The following ZFP90 variants were observed in gnomAD, a reference collection of about 807,000 sequenced individuals.
ZFP90 encodes the protein ZFP90 zinc finger protein.
In ZFP90, 38 loss-of-function variants were observed where a neutral mutation model predicts 60.8. The observed-to-expected ratio is 0.62, with a 90% CI of 0.48 to 0.82. ZFP90 has a LOEUF of 0.82. ZFP90 is among the 40% of genes least tolerant of loss of function. The pLI, the probability that ZFP90 is intolerant of heterozygous loss-of-function variation, is 0.00. For synonymous variants in ZFP90, 287 were observed against 264.8 expected, an observed-to-expected ratio of 1.08 and a Z score of -0.82; for missense variants, 711 against 759.1, an observed-to-expected ratio of 0.94 and a Z score of 0.74.
intron 2 of ZFP90, among the ~76,000 whole-genome samples, chr16:68,540,103 C>T (rs2091014303): frequency 6.6e-6 from 1 of 152,104 alleles, no homozygotes; most frequent in Admixed American, 6.6e-5. Context: ...TCCTGAATGC[C>T]ACGCCAGTTT....
chr16:68,563,848 C>G lies in ZFP90; in HGVS notation c.1061C>G (p.Thr354Ser). The change falls in exon 5 of 5, where the codon ACT becomes AGT. Residue 354 changes from threonine to serine, a missense_variant. Around this residue, in one of 5 missense-constraint regions of ZFP90, gnomAD observed 146 missense variants for 201.4 expected, o/e 0.73. Transcript: ENST00000563169. ...TCCTTTAGGCATGGCACATCCCTCA[C>G]TCAACACGAGGTCACACACAGTGGA... ...GRSFRHGTSL[T>S]QHEVTHSGEK... The G allele has an allele frequency of 6.2e-7, 1 of 1,613,916 alleles. No individual in the cohort carries two copies. The highest frequency in any genetic ancestry group is 1.3e-5 in the African/African-American group (1 of 74,942).
downstream of ZFP90, among the ~76,000 whole-genome samples, chr16:68,570,509 AGGG>A (rs1202654901): frequency 6.6e-6 from 1 of 152,242 alleles, no homozygotes; most frequent in Non-Finnish European, 1.5e-5. Context: ...TCTCTGGAAA[AGGG>A]GTGGTAATTT....
upstream of ZFP90, among the ~76,000 whole-genome samples, chr16:68,535,940 G>T (rs770010450): frequency 3.9e-5 from 6 of 152,156 alleles, no homozygotes; most frequent in Non-Finnish European, 8.8e-5. Context: ...ACCTGACTTG[G>T]AACACCCGGC....
At position 68,545,433 on chromosome 16, in the gene ZFP90, A is replaced by G. The variant is rs28692992; in HGVS notation, c.33+5608A>G. On this transcript the variant is annotated intron_variant, in intron 2 of 4. Coordinates refer to ENST00000563169, the MANE Select transcript of ZFP90 (RefSeq NM_001305203.2). ...TGAGCCTATTTTATTTTCTGATAAA[A>G]TGATTACATGAAACAATGTGATTTG... 8.7e-3 allele frequency among the ~76,000 whole-genome samples: 1,330 copies of G among 152,344 alleles called. 21 individuals are homozygous for G. Among genetic ancestry groups the G allele is most frequent in the African/African-American group, 0.03 (1,259 of 41,576 alleles).
At chr16:68,533,529 C>T (rs1463617192) in intron 1 of ZFP90, among the ~76,000 whole-genome samples, 2 of 152,134 alleles carry the variant, frequency 1.3e-5, no homozygotes, top group Non-Finnish European at 2.9e-5. Context: ...GAATCATTTT[C>T]CTTCCATTTG....
intron 2 of ZFP90, chr16:68,557,214 T>C: frequency 2.2e-6 from 1 of 455,592 alleles, no homozygotes. Context: ...TCTCAAACTC[T>C]TGGGCTCCTG....
intron 2 of ZFP90, among the ~76,000 whole-genome samples, chr16:68,547,473 T>C (rs1218336374): frequency 6.6e-6 from 1 of 152,158 alleles, no homozygotes; most frequent in Non-Finnish European, 1.5e-5. Context: ...TTCTGGGTAT[T>C]ACTTGCTTAA....
chr16:68,536,738 C>T (rs561156100), upstream of ZFP90, among the ~76,000 whole-genome samples: 24 of 152,296 alleles, frequency 1.6e-4, no homozygotes, highest in Admixed American at 1.4e-3. Context: ...AGGTTCTCAC[C>T]CCAAATGTTT....
Position 68,539,760 on chromosome 16 carries a change from C to A in ZFP90, c.-33C>A. 2.6e-6 allele frequency: 4 copies of A among 1,565,432 alleles called. No individual in the cohort carries two copies. The highest frequency in any genetic ancestry group is 3.5e-6 in the Non-Finnish European group (4 of 1,155,836). Reference sequence around the variant, plus strand: ...TGGGCCCTGTCCTTTCTCCCCAGCTCCTGCCCCGGAGCCGGGCCCTGGCGA... The same window carrying A: ...TGGGCCCTGTCCTTTCTCCCCAGCTACTGCCCCGGAGCCGGGCCCTGGCGA... On this transcript the variant is annotated splice_region_variant and 5_prime_UTR_variant, in exon 2 of 5. Transcript: ENST00000563169.
Position 68,566,117 on chromosome 16 carries a change from A to T in ZFP90, c.*1419A>T. The T allele has an allele frequency of 2.2e-6, 2 of 907,136 alleles. No individual in the cohort carries two copies. The highest frequency in any genetic ancestry group is 5.5e-5 in the African/African-American group (2 of 36,482). 56.2% of individuals were successfully genotyped at this position (907,136 alleles called of 1,614,324 possible). ...TACTGCATTCCAGCCTGAGCAACAG[A>T]GCAAGACACACACACATCAATTTAT... On this transcript the variant is annotated 3_prime_UTR_variant, in exon 5 of 5. Coordinates refer to ENST00000563169, the MANE Select transcript of ZFP90 (RefSeq NM_001305203.2).
In ZFP90 at chr16:68,564,930, A is replaced by C; in HGVS notation, c.*232A>C. The C allele has an allele frequency of 1.6e-6, 2 of 1,278,450 alleles. No individual in the cohort carries two copies. The highest frequency in any genetic ancestry group is 6.2e-5 in the East Asian group (2 of 32,052). The allele number at this position is 1,278,450 out of a possible 1,614,324, so 79.2% of individuals were successfully genotyped here. ...ACATGTATGTAGCTGGTTGGGGATGATATGCCTGTATGTTGGACTTTGCTT... is the reference window on the plus strand; with the variant it reads ...ACATGTATGTAGCTGGTTGGGGATGCTATGCCTGTATGTTGGACTTTGCTT... On this transcript the variant is annotated 3_prime_UTR_variant, in exon 5 of 5. Transcript: ENST00000563169.
Position 68,539,507 on chromosome 16 carries a change from T to C in ZFP90, c.-36+28T>C, listed in dbSNP as rs977533433. The C allele has an allele frequency of 6.3e-6, 3 of 477,318 alleles. No individual in the cohort carries two copies. In the Admixed American group the frequency reaches 1.2e-4, roughly 19 times the overall value. 29.6% of individuals were successfully genotyped at this position (477,318 alleles called of 1,614,324 possible). On this transcript the variant is annotated intron_variant, in intron 1 of 4. Transcript: ENST00000563169. ...GCGCGGGTCTGGGCGGGACCCCTCCTGGGTTTGGCGGGTGTCAGCCGGGCC... is the reference window on the plus strand; with the variant it reads ...GCGCGGGTCTGGGCGGGACCCCTCCCGGGTTTGGCGGGTGTCAGCCGGGCC...
rs1567411738 is a variant in ZFP90, at chr16:68,564,208, C to CAGT, written c.1423_1424insTAG (p.Ala474_Glu475insVal). 6.2e-7 allele frequency: 1 copy of CAGT among 1,613,952 alleles called. No homozygotes were observed. The highest frequency in any genetic ancestry group is 8.5e-7 in the Non-Finnish European group (1 of 1,179,962). On this transcript the variant is annotated inframe_insertion, in exon 5 of 5. Coordinates refer to ENST00000563169, the MANE Select transcript of ZFP90 (RefSeq NM_001305203.2). The stretch of plus-strand genomic sequence containing the variant: ...ACTGACCATCAGAGGATCCATACTG[C>CAGT]AGAGAACCCCTATGATTGTGAGCAG...
chr16:68,576,040 TAAAAAAA>T (rs34731750), exon 3 of ZFP90: 1 of 269,854 alleles, frequency 3.7e-6, no homozygotes, highest in African/African-American at 2.4e-5. Context: ...AACATTTATT[TAAAAAAA>T]AAAAAAAAAA....
In ZFP90 at chr16:68,539,767, C is replaced by T. The variant is rs1223016987; in HGVS notation, c.-26C>T. 3.8e-6 allele frequency: 6 copies of T among 1,575,150 alleles called. No individual in the cohort carries two copies. Among genetic ancestry groups the T allele is most frequent in the East Asian group, 2.3e-5 (1 of 43,558 alleles). Reference sequence around the variant, plus strand: ...TGTCCTTTCTCCCCAGCTCCTGCCCCGGAGCCGGGCCCTGGCGAGGCAGGA... The same window carrying T: ...TGTCCTTTCTCCCCAGCTCCTGCCCTGGAGCCGGGCCCTGGCGAGGCAGGA... On this transcript the variant is annotated 5_prime_UTR_variant, in exon 2 of 5. Transcript: ENST00000563169.
At chr16:68,570,094 C>T (rs1018128988), downstream of ZFP90, among the ~76,000 whole-genome samples, 34 of 151,578 alleles carry the variant, frequency 2.2e-4, no homozygotes, top group African/African-American at 8.3e-4. Flanking sequence ...TCCCTACCTA[C>T]CACTCCATTT....
Position 68,563,587 on chromosome 16 carries a change from C to G in ZFP90, c.800C>G (p.Thr267Arg), listed in dbSNP as rs2091469896. The change falls in exon 5 of 5, where the codon ACA (threonine) becomes AGA (arginine). Residue 267 changes from threonine (T) to arginine (R), a missense_variant. By Grantham distance (71) the Thr-to-Arg change is moderately conservative (BLOSUM62 -1). Around this residue, in one of 5 missense-constraint regions of ZFP90, gnomAD observed 146 missense variants for 201.4 expected, o/e 0.73. Coordinates refer to ENST00000563169, the MANE Select transcript of ZFP90 (RefSeq NM_001305203.2). Reference protein sequence around the residue: ...TDCGKTFLWKTQLTEHQRIHT... With the variant: ...TDCGKTFLWKRQLTEHQRIHT... ...TGTGGGAAAACCTTTCTCTGGAAGA[C>G]ACAGCTTACTGAGCATCAGAGAATT... 6.2e-7 allele frequency: 1 copy of G among 1,614,200 alleles called. No homozygotes were observed. The highest frequency in any genetic ancestry group is 2.2e-5 in the East Asian group (1 of 44,886).
At position 68,549,777 on chromosome 16, in the gene ZFP90, G is replaced by A. The variant is rs140484633; in HGVS notation, c.34-8221G>A. Among the ~76,000 whole-genome samples, 167 of 152,126 alleles carry A rather than the reference G, an allele frequency of 1.1e-3. 1 individual carries two copies. Among genetic ancestry groups the A allele is most frequent in the African/African-American group, 3.8e-3 (158 of 41,486 alleles). ...GGACCAAATGCTGAAGGGGGATGGG[G>A]AGCACGGAGGATGTGGGGAAGCTTC... On this transcript the variant is annotated intron_variant, in intron 2 of 4. Transcript: ENST00000563169.
At chr16:68,539,944 T>C (rs2091010090) in intron 2 of ZFP90, 119 bp downstream of exon 2, 2 of 1,385,734 alleles carry the variant, frequency 1.4e-6, no homozygotes, top group Non-Finnish European at 1.9e-6. Flanking sequence ...CTTGGCTCGA[T>C]CGGAGCCTCC....
Sources: allele counts gnomAD v4.1 joint callset (sites outside exome capture counted in the v4.1 genomes callset), GRCh38; gene constraint gnomAD v4.1.1; regional missense constraint gnomAD v4.1.1; transcripts MANE v1.5; gene names NCBI Gene and HGNC (gene_info 2026-07-23, HGNC 2026-07-21).